The following SLC6A2 variants were observed in gnomAD, a reference collection of about 807,000 sequenced individuals.
The protein encoded by SLC6A2 is solute carrier family 6 member 2.
Under a neutral mutation model 71.7 loss-of-function variants are expected in SLC6A2, and 26 were observed. The ratio of observed to expected loss-of-function variants is 0.36; its 90% CI spans 0.27 to 0.50. The LOEUF (loss-of-function observed/expected upper bound fraction) is 0.50. Among genes scored for constraint, SLC6A2 ranks in the 20% least tolerant of loss-of-function variants. The pLI is 0.96. For synonymous variants in SLC6A2, 363 were observed against 337.9 expected, an observed-to-expected ratio of 1.07 and a Z score of -0.82; for missense variants, 581 against 803.9, an observed-to-expected ratio of 0.72 and a Z score of 3.35.
In SLC6A2 at chr16:55,703,232, G is replaced by C. The variant is rs1966027154; in HGVS notation, c.*886G>C. On this transcript the variant is annotated 3_prime_UTR_variant, in exon 15 of 15. Coordinates refer to ENST00000568943, the MANE Select transcript of SLC6A2 (RefSeq NM_001172501.3). Reference sequence around the variant, plus strand: ...CTGAGACCTGCCTGGGGAAACGGGGGCAGGGACCAAGTGAGGCCTCATGTG... The same window carrying C: ...CTGAGACCTGCCTGGGGAAACGGGGCCAGGGACCAAGTGAGGCCTCATGTG... 1.2e-5 allele frequency: 12 copies of C among 985,374 alleles called. No individual in the cohort carries two copies. Among genetic ancestry groups the C allele is most frequent in the Non-Finnish European group, 1.4e-5 (12 of 829,860 alleles). The allele number at this position is 985,374 out of a possible 1,614,324, so 61.0% of individuals were successfully genotyped here.
chr16:55,656,964 C>A lies in SLC6A2; in HGVS notation c.270C>A (p.Gly90=), dbSNP rs1286710340. Residue 90 remains glycine, a synonymous_variant, in exon 2 of 15, where the codon GGC becomes GGA. Transcript: ENST00000568943. The surrounding 1 kb of genome is among the most constrained non-coding windows in gnomAD (Gnocchi z 4.5). The stretch of plus-strand genomic sequence containing the variant: ...TCCCCTACCTCTGCTACAAGAACGG[C>A]GGCGGTGAGCGTGGGGTCGGGCTGG... ...WRFPYLCYKN[G]GGAFLIPYTL... is the part of the protein sequence containing the mutation. The A allele has an allele frequency of 3.1e-6, 5 of 1,613,202 alleles. No homozygotes were observed. The highest frequency in any genetic ancestry group is 4.2e-6 in the Non-Finnish European group (5 of 1,179,608).
intron 4 of SLC6A2, among the ~76,000 whole-genome samples, chr16:55,674,740 T>C (rs1484726169): frequency 6.6e-6 from 1 of 152,184 alleles, no homozygotes; most frequent in Non-Finnish European, 1.5e-5. Flanking sequence ...ATTTTCTTTA[T>C]CCAATCCATC....
chr16:55,666,669 C>T (rs1964758800), intron 2 of SLC6A2, among the ~76,000 whole-genome samples: 1 of 152,216 alleles, frequency 6.6e-6, no homozygotes. Context: ...CATCTTCCCT[C>T]CTTTTCTCAT....
chr16:55,676,954 C>G (rs1965107907), intron 4 of SLC6A2, among the ~76,000 whole-genome samples: 1 of 152,196 alleles, frequency 6.6e-6, no homozygotes, highest in Non-Finnish European at 1.5e-5. Flanking sequence ...TGCCTGGATT[C>G]TACATCCAGA....
In SLC6A2 at chr16:55,695,266, T is replaced by C; in HGVS notation, c.1023-12T>C. The C allele has an allele frequency of 6.2e-7, 1 of 1,614,070 alleles. No individual in the cohort carries two copies. Among genetic ancestry groups the C allele is most frequent in the East Asian group, 2.2e-5 (1 of 44,864 alleles). On this transcript the variant is annotated splice_polypyrimidine_tract_variant and intron_variant, in intron 7 of 14. Transcript: ENST00000568943. ...GTCAAGGGACTTGACCTCACTGTGC[T>C]TCTTCCCCCAGGGATGCCCTGCTGA...
chr16:55,672,051 A>T lies in SLC6A2; in HGVS notation c.520A>T (p.Thr174Ser). The T allele has an allele frequency of 6.2e-7, 1 of 1,614,062 alleles. No individual in the cohort carries two copies. Among genetic ancestry groups the T allele is most frequent in the Non-Finnish European group, 8.5e-7 (1 of 1,180,010 alleles). ...CTCCTTCACCCTCAACCTGCCCTGGACCGACTGTGGCCACACCTGGAACAG... is the reference window on the plus strand; with the variant it reads ...CTCCTTCACCCTCAACCTGCCCTGGTCCGACTGTGGCCACACCTGGAACAG... ...FSSFTLNLPW[T>S]DCGHTWNSPN... Residue 174 changes from threonine (T) to serine (S), a missense_variant, in exon 4 of 15, where the codon ACC (threonine) becomes TCC (serine). Around this residue, in one of 5 missense-constraint regions of SLC6A2, gnomAD observed 87 missense variants for 99.5 expected, o/e 0.87. Transcript: ENST00000568943.
Position 55,703,830 on chromosome 16 carries a change from G to T in SLC6A2, c.*1484G>T. 1 of 985,002 alleles carries T rather than the reference G, an allele frequency of 1.0e-6. No individual in the cohort carries two copies. Among genetic ancestry groups the T allele is most frequent in the Non-Finnish European group, 1.2e-6 (1 of 829,600 alleles). The allele number at this position is 985,002 out of a possible 1,614,324, so 61.0% of individuals were successfully genotyped here. A position where few individuals can be genotyped will look rare whatever the true frequency, so the allele number is the denominator to read the frequency against. On this transcript the variant is annotated 3_prime_UTR_variant, in exon 15 of 15. Transcript: ENST00000568943. Reference sequence around the variant, plus strand: ...AAATTGGGGTGTTGTTGAGCCTGGTGGTTCCTGCATGAAGAGGATTATGAG... The same window carrying T: ...AAATTGGGGTGTTGTTGAGCCTGGTTGTTCCTGCATGAAGAGGATTATGAG...
At position 55,656,968 on chromosome 16, in the gene SLC6A2, G is replaced by A. The variant is rs1487821001; in HGVS notation, c.274G>A (p.Gly92Ser). The change falls in exon 2 of 15, where the codon GGT becomes AGT. Residue 92 changes from glycine to serine, a missense_variant and splice_region_variant. This residue lies in a region of SLC6A2 where 81 missense variants were observed against 152.4 expected (regional missense o/e 0.53). Coordinates refer to ENST00000568943, the MANE Select transcript of SLC6A2 (RefSeq NM_001172501.3). This position sits in a 1 kb window ranked among gnomAD's most constrained non-coding sequence, Gnocchi z 4.5. The part of the protein sequence containing the change: ...FPYLCYKNGG[G>S]AFLIPYTLFL... ...CTACCTCTGCTACAAGAACGGCGGC[G>A]GTGAGCGTGGGGTCGGGCTGGGAAT... The A allele has an allele frequency of 6.2e-7, 1 of 1,613,120 alleles. No individual in the cohort carries two copies. The highest frequency in any genetic ancestry group is 2.2e-5 in the East Asian group (1 of 44,846).
At position 55,705,067 on chromosome 16, in the gene SLC6A2, G is replaced by A. The variant is rs1966073735; in HGVS notation, c.*2721G>A. 2 of 691,720 alleles carry A rather than the reference G, an allele frequency of 2.9e-6. No homozygotes were observed. Among genetic ancestry groups the A allele is most frequent in the South Asian group, 3.4e-5 (2 of 58,338 alleles). 42.8% of individuals were successfully genotyped at this position (691,720 alleles called of 1,614,324 possible). ...ACCCGGGACAAGGGTGCTGTGTACTGTATATGACACTTGACGCTTTTGATA... is the reference window on the plus strand; with the variant it reads ...ACCCGGGACAAGGGTGCTGTGTACTATATATGACACTTGACGCTTTTGATA... On this transcript the variant is annotated 3_prime_UTR_variant, in exon 15 of 15. Transcript: ENST00000568943.
chr16:55,657,921 C>T (rs531645029), intron 2 of SLC6A2, among the ~76,000 whole-genome samples: 1 of 77,400 alleles, frequency 1.3e-5, no homozygotes, highest in African/African-American at 4.1e-5. Flanking sequence ...GCTCCTGCCA[C>T]TTTTGCTGGG....
At chr16:55,670,017 T>C (rs1340386556) in intron 3 of SLC6A2, among the ~76,000 whole-genome samples, 4 of 152,208 alleles carry the variant, frequency 2.6e-5, no homozygotes. Context: ...CTCTCTCCTT[T>C]TGCTCCCATG....
At chr16:55,692,137 G>T in intron 6 of SLC6A2, 85 bp downstream of exon 6, 1 of 1,482,370 alleles carries the variant, frequency 6.7e-7, no homozygotes. Context: ...TCTGGTCCCA[G>T]CTCTGCCACA....
At chr16:55,658,035 G>T (rs937326158) in intron 2 of SLC6A2, among the ~76,000 whole-genome samples, 43 of 152,150 alleles carry the variant, frequency 2.8e-4, no homozygotes, top group African/African-American at 1.0e-3. Context: ...TCTCCACTGG[G>T]CTGCATTGCT....
At chr16:55,693,259 C>G (rs1381487885) in intron 6 of SLC6A2, among the ~76,000 whole-genome samples, 1 of 152,124 alleles carries the variant, frequency 6.6e-6, no homozygotes, top group Non-Finnish European at 1.5e-5. Context: ...CGGTGGCACG[C>G]ACTTGTAATC....
At chr16:55,675,539 C>T (rs1270343002) in intron 4 of SLC6A2, among the ~76,000 whole-genome samples, 1 of 152,130 alleles carries the variant, frequency 6.6e-6, no homozygotes, top group African/African-American at 2.4e-5. Context: ...GCCTGGGGGC[C>T]GTGGTGTGCT....
chr16:55,684,414 A>C (rs1965380753), intron 4 of SLC6A2, among the ~76,000 whole-genome samples: 1 of 152,192 alleles, frequency 6.6e-6, no homozygotes, highest in South Asian at 2.1e-4. Flanking sequence ...GTTATTATGA[A>C]ATAATGCTGC....
At chr16:55,671,581 G>A in intron 3 of SLC6A2, 1 of 486,580 alleles carries the variant, frequency 2.1e-6, no homozygotes, top group Non-Finnish European at 3.6e-6. Flanking sequence ...TCGCATGACC[G>A]CCTGAGCTCC....
In SLC6A2 at chr16:55,699,498, C is replaced by T. The variant is rs1965903743; in HGVS notation, c.1490-56C>T. ...CTGGGGCCAGAACCTCATGGGAGGA[C>T]CTGGCCCTGGCTATCATGGGGGCCA... is the stretch of plus-strand genomic sequence containing the variant. On this transcript the variant is annotated intron_variant, in intron 11 of 14. Coordinates refer to ENST00000568943, the MANE Select transcript of SLC6A2 (RefSeq NM_001172501.3). The T allele has an allele frequency of 2.2e-6, 3 of 1,384,194 alleles. No homozygotes were observed. In the South Asian group the frequency reaches 3.5e-5, roughly 16 times the overall value. 85.7% of individuals were successfully genotyped at this position (1,384,194 alleles called of 1,614,324 possible).
chr16:55,669,490 G>T lies in SLC6A2; in HGVS notation c.275-75G>T, dbSNP rs1482930578. The T allele has an allele frequency of 2.2e-5, 34 of 1,551,130 alleles. 1 individual carries two copies. The highest frequency in any genetic ancestry group is 2.8e-5 in the Non-Finnish European group (31 of 1,124,522). ...TGAGCAGACGCCCAGGATCTTTGCA[G>T]CTCTTGCAGACACGGATCCAAGACT... is the stretch of plus-strand genomic sequence containing the variant. On this transcript the variant is annotated intron_variant, in intron 2 of 14. Transcript: ENST00000568943.
Sources: allele counts gnomAD v4.1 joint callset (sites outside exome capture counted in the v4.1 genomes callset), GRCh38; gene constraint gnomAD v4.1.1; regional missense constraint gnomAD v4.1.1; non-coding constraint Gnocchi (gnomAD v3.1); transcripts MANE v1.5; gene names NCBI Gene and HGNC (gene_info 2026-07-23, HGNC 2026-07-21).